Variants in B3GALT1 observed in about 807,000 individuals in gnomAD.
B3GALT1 encodes the protein UDP-Gal:betaGlcNAc beta 1,3-galactosyltransferase, polypeptide 1.
B3GALT1 carries 10 observed loss-of-function variants against 23.2 expected under a neutral mutation model. That is an observed-to-expected ratio of 0.43 (90% confidence interval 0.27 to 0.73). The LOEUF (loss-of-function observed/expected upper bound fraction) is 0.73. Ranked by LOEUF, B3GALT1 falls within the 30% of genes least tolerant of loss-of-function variation. B3GALT1 has a pLI of 0.21. For synonymous variants in B3GALT1, 156 were observed against 141.5 expected (o/e 1.10, Z -0.73); for missense variants, 299 against 405.4 (o/e 0.74, Z 2.25).
chr2:167,765,188 G>A (rs765219480), intron 3 of B3GALT1, among the ~76,000 whole-genome samples: 3 of 152,252 alleles, frequency 2.0e-5, no homozygotes, highest in Admixed American at 6.5e-5. Flanking sequence ...GCCTGAGACC[G>A]GACTGCCTTC....
intron 1 of B3GALT1, among the ~76,000 whole-genome samples, chr2:167,339,355 A>G (rs1697112693): frequency 6.6e-6 from 1 of 151,888 alleles, no homozygotes; most frequent in Non-Finnish European, 1.5e-5. Context: ...ATACAACAAG[A>G]GCAAATAGTA....
chr2:167,670,111 G>A (rs1322406888), intron 3 of B3GALT1, among the ~76,000 whole-genome samples: 1 of 152,132 alleles, frequency 6.6e-6, no homozygotes, highest in Non-Finnish European at 1.5e-5. Context: ...CTGGCATCCT[G>A]TGTGTACACT....
At chr2:167,454,605 A>G (rs1699142488) in intron 1 of B3GALT1, among the ~76,000 whole-genome samples, 1 of 152,154 alleles carries the variant, frequency 6.6e-6, no homozygotes, top group Non-Finnish European at 1.5e-5. Context: ...TAAATAAGCA[A>G]ATAATGTCAA....
intron 4 of B3GALT1, among the ~76,000 whole-genome samples, chr2:167,835,349 G>A (rs546608721): frequency 3.9e-5 from 6 of 152,304 alleles, no homozygotes; most frequent in African/African-American, 7.2e-5. Context: ...CTTTTCCGAC[G>A]GGCTTAAAAA....
intron 1 of B3GALT1, among the ~76,000 whole-genome samples, chr2:167,452,234 A>G (rs944087220): frequency 1.3e-5 from 2 of 151,862 alleles, no homozygotes; most frequent in African/African-American, 2.4e-5. Flanking sequence ...CATTCTGTCA[A>G]AATTGTTACA....
chr2:167,536,606 A>G (rs1444355693), intron 2 of B3GALT1, among the ~76,000 whole-genome samples: 1 of 152,162 alleles, frequency 6.6e-6, no homozygotes, highest in Non-Finnish European at 1.5e-5. Flanking sequence ...AACCAAAGCA[A>G]TTATTGTATT....
intron 1 of B3GALT1, among the ~76,000 whole-genome samples, chr2:167,447,516 C>T (rs901258857): frequency 3.3e-5 from 5 of 152,278 alleles, no homozygotes; most frequent in African/African-American, 9.6e-5. Flanking sequence ...CCACCCAGTT[C>T]GAGCTTCCTG....
chr2:167,756,038 T>C (rs563804056), intron 3 of B3GALT1, among the ~76,000 whole-genome samples: 5 of 152,178 alleles, frequency 3.3e-5, no homozygotes, highest in African/African-American at 1.2e-4. Context: ...ACTGTTGAAA[T>C]GGGAGGCAGT....
At chr2:167,707,427 G>C (rs1168007648) in intron 3 of B3GALT1, among the ~76,000 whole-genome samples, 2 of 152,062 alleles carry the variant, frequency 1.3e-5, no homozygotes, top group Admixed American at 6.6e-5. Context: ...AGTCTAACAT[G>C]AGTCTCCATG....
chr2:167,567,105 G>A (rs985262948), intron 2 of B3GALT1, among the ~76,000 whole-genome samples: 10 of 152,124 alleles, frequency 6.6e-5, no homozygotes, highest in African/African-American at 2.4e-4. Flanking sequence ...GTGGAATGAT[G>A]ATCCCCTTCC....
At chr2:167,428,988 T>G (rs1428536101) in intron 1 of B3GALT1, among the ~76,000 whole-genome samples, 1 of 151,882 alleles carries the variant, frequency 6.6e-6, no homozygotes, top group African/African-American at 2.4e-5. Flanking sequence ...AATAAAGAAA[T>G]AAATGTTTTG....
chr2:167,692,979 A>C (rs1345780998), intron 3 of B3GALT1, among the ~76,000 whole-genome samples: 1 of 151,960 alleles, frequency 6.6e-6, no homozygotes, highest in Non-Finnish European at 1.5e-5. Context: ...ATGAAGGAAG[A>C]CTGCAAGAAC....
chr2:167,813,299 T>C (rs1230503967), intron 3 of B3GALT1, among the ~76,000 whole-genome samples: 1 of 152,202 alleles, frequency 6.6e-6, no homozygotes, highest in Non-Finnish European at 1.5e-5. Flanking sequence ...GACAGTTTGC[T>C]CCCAATGATT....
intron 1 of B3GALT1, among the ~76,000 whole-genome samples, chr2:167,363,633 G>A (rs1178468608): frequency 6.6e-6 from 1 of 151,956 alleles, no homozygotes; most frequent in African/African-American, 2.4e-5. Context: ...AAACATCTGT[G>A]GAACCAAATT....
intron 1 of B3GALT1, among the ~76,000 whole-genome samples, chr2:167,388,509 C>G (rs553275394): frequency 2.6e-5 from 4 of 152,192 alleles, no homozygotes; most frequent in Admixed American, 2.6e-4. Flanking sequence ...CCAGCCTAGT[C>G]AGCTTGAAGG....
At chr2:167,738,425 T>G (rs1456437408) in intron 3 of B3GALT1, among the ~76,000 whole-genome samples, 2 of 152,164 alleles carry the variant, frequency 1.3e-5, no homozygotes, top group African/African-American at 4.8e-5. Flanking sequence ...TTGGACAGAA[T>G]GGCAGTGACA....
chr2:167,741,655 C>A (rs1687578712), intron 3 of B3GALT1, among the ~76,000 whole-genome samples: 1 of 152,134 alleles, frequency 6.6e-6, no homozygotes, highest in Non-Finnish European at 1.5e-5. Flanking sequence ...CCTTCAGGTC[C>A]CCAGCCCTTG....
At chr2:167,571,328 C>T (rs1373969962) in intron 2 of B3GALT1, among the ~76,000 whole-genome samples, 8 of 151,934 alleles carry the variant, frequency 5.3e-5, no homozygotes, top group Middle Eastern at 3.2e-3. Flanking sequence ...GATTTAGGCA[C>T]AGGCTAGAAT....
intron 2 of B3GALT1, among the ~76,000 whole-genome samples, chr2:167,560,448 C>G (rs1371479644): frequency 6.6e-6 from 1 of 151,886 alleles, no homozygotes; most frequent in Non-Finnish European, 1.5e-5. Flanking sequence ...CAGATTCACA[C>G]ATAACAATAT....
Sources: allele counts gnomAD v4.1 joint callset (sites outside exome capture counted in the v4.1 genomes callset), GRCh38; gene constraint gnomAD v4.1.1; transcripts MANE v1.5; gene names NCBI Gene and HGNC (gene_info 2026-07-23, HGNC 2026-07-21).